Variants in ANKRD55 observed in about 807,000 individuals in gnomAD.
ANKRD55 encodes the protein ankyrin repeat domain-containing protein 55.
A neutral mutation model predicts 60.6 loss-of-function variants in ANKRD55; 41 were observed. The ratio of observed to expected loss-of-function variants is 0.68; its 90% CI spans 0.53 to 0.88. The LOEUF is 0.88. ANKRD55 is among the 40% of genes least tolerant of loss of function. ANKRD55 has a pLI of 0.00. For synonymous variants in ANKRD55, 264 were observed against 290.3 expected (o/e 0.91, Z 0.92); for missense variants, 732 against 767.6 (o/e 0.95, Z 0.55).
In ANKRD55 at chr5:56,137,440, A is replaced by C; in HGVS notation, c.612+6361T>G. The C allele has an allele frequency of 4.8e-6, 4 of 841,632 alleles. No individual in the cohort carries two copies. The South Asian group carries it at 5.3e-5, about 11-fold the overall frequency. The allele number at this position is 841,632 out of a possible 1,614,324, so 52.1% of individuals were successfully genotyped here. A position where few individuals can be genotyped will look rare whatever the true frequency, so the allele number is the denominator to read the frequency against. On this transcript the variant is annotated intron_variant, in intron 7 of 11. Transcript: ENST00000341048. ...GAGATGATCCTTACTGAAAAGGAACAAAATGTTCCTAAACCAGAAGAGGAG... is the reference window on the plus strand; with the variant it reads ...GAGATGATCCTTACTGAAAAGGAACCAAATGTTCCTAAACCAGAAGAGGAG...
chr5:56,174,676 A>G (rs915625046), intron 4 of ANKRD55, among the ~76,000 whole-genome samples: 1 of 152,092 alleles, frequency 6.6e-6, no homozygotes, highest in Non-Finnish European at 1.5e-5. Context: ...TACTAAAAAT[A>G]CAAAAATTAG....
chr5:56,127,463 C>T, intron 7 of ANKRD55: 1 of 985,162 alleles, frequency 1.0e-6, no homozygotes, highest in South Asian at 4.7e-5. Context: ...TAGGTCTGAT[C>T]ATTTGTGTCC....
At chr5:56,169,546 G>C (rs969103067) in intron 5 of ANKRD55, among the ~76,000 whole-genome samples, 1 of 151,800 alleles carries the variant, frequency 6.6e-6, no homozygotes, top group Admixed American at 6.6e-5. Flanking sequence ...TTGGGCTTTG[G>C]GTAAATCCTA....
intron 2 of ANKRD55, among the ~76,000 whole-genome samples, chr5:56,200,817 C>T (rs1265384433): frequency 1.3e-5 from 2 of 152,114 alleles, no homozygotes; most frequent in East Asian, 1.9e-4. Context: ...TTGGTTTATT[C>T]TATTCTGAGG....
intron 2 of ANKRD55, among the ~76,000 whole-genome samples, chr5:56,201,456 T>C (rs1399743005): frequency 1.3e-5 from 2 of 152,216 alleles, no homozygotes; most frequent in African/African-American, 4.8e-5. Context: ...TTTTCAAATA[T>C]ATCAGGTGAC....
chr5:56,197,883 T>A lies in ANKRD55; in HGVS notation c.59-14249A>T, dbSNP rs116782218. Among the ~76,000 whole-genome samples the A allele has an allele frequency of 3.0e-3, 460 of 152,350 alleles. 4 individuals are homozygous for A. Among genetic ancestry groups the A allele is most frequent in the African/African-American group, 0.011 (439 of 41,592 alleles). On this transcript the variant is annotated intron_variant, in intron 2 of 11. Coordinates refer to ENST00000341048, the MANE Select transcript of ANKRD55 (RefSeq NM_024669.3). The stretch of plus-strand genomic sequence containing the variant: ...GTTTTCTTGAGTATTAATTTTTCAC[T>A]TCTTTGAGACTGTCAAACCATAGTT...
At chr5:56,143,342 C>T (rs956334325) in intron 7 of ANKRD55, among the ~76,000 whole-genome samples, 2 of 152,080 alleles carry the variant, frequency 1.3e-5, no homozygotes, top group Non-Finnish European at 2.9e-5. Context: ...TGTGTATTGA[C>T]GTGGACTCCC....
chr5:56,178,410 G>A (rs1758783843), intron 3 of ANKRD55, among the ~76,000 whole-genome samples: 1 of 151,502 alleles, frequency 6.6e-6, no homozygotes, highest in Non-Finnish European at 1.5e-5. Flanking sequence ...CTGAGGTTTA[G>A]GGAGGAATGA....
intron 7 of ANKRD55, among the ~76,000 whole-genome samples, chr5:56,132,798 T>G (rs1488114061): frequency 6.6e-6 from 1 of 152,086 alleles, no homozygotes; most frequent in Non-Finnish European, 1.5e-5. Context: ...ATGACACATA[T>G]AGATTAAAAG....
intron 4 of ANKRD55, among the ~76,000 whole-genome samples, chr5:56,173,464 C>G (rs1016649178): frequency 3.7e-4 from 56 of 150,610 alleles, no homozygotes; most frequent in Non-Finnish European, 2.1e-4. Context: ...TCCCAAAGTG[C>G]TGGGATTACA....
At position 56,116,677 on chromosome 5, in the gene ANKRD55, G is replaced by A; in HGVS notation, c.903C>T (p.Pro301=). Residue 301 remains proline (P), a synonymous_variant, in exon 9 of 12, where the codon CCC becomes CCT. Transcript: ENST00000341048. The part of the protein sequence containing the change: ...SNLRDINEST[P]LAYALYCGHT... ...GACCGCAGTACAGGGCATAGGCCAA[G>A]GGCGTGCTCTCATTGATGTCCCGCA... The A allele has an allele frequency of 6.2e-7, 1 of 1,613,848 alleles. No individual in the cohort carries two copies. The highest frequency in any genetic ancestry group is 8.5e-7 in the Non-Finnish European group (1 of 1,179,850).
intron 6 of ANKRD55, among the ~76,000 whole-genome samples, chr5:56,148,826 T>C (rs990175287): frequency 1.3e-5 from 2 of 152,098 alleles, no homozygotes; most frequent in Admixed American, 1.3e-4. Flanking sequence ...CCCGTCTTGG[T>C]TGGCGGTTCG....
At chr5:56,173,582 C>CTATATATATA (rs1182603115) in intron 4 of ANKRD55, among the ~76,000 whole-genome samples, 43 of 45,222 alleles carry the variant, frequency 9.5e-4, no homozygotes, top group South Asian at 6.2e-3. Context: ...CTCTCTCTCT[C>CTATATATATA]TATATATATA....
chr5:56,138,408 G>A (rs754141558), intron 7 of ANKRD55, among the ~76,000 whole-genome samples: 2 of 152,144 alleles, frequency 1.3e-5, no homozygotes, highest in Non-Finnish European at 2.9e-5. Context: ...TTACAGGTGT[G>A]AGCCAACGTG....
chr5:56,203,508 G>A lies in ANKRD55; in HGVS notation c.59-19874C>T, dbSNP rs1272889008. 2.6e-5 allele frequency among the ~76,000 whole-genome samples: 4 copies of A among 151,742 alleles called. 1 individual carries two copies. Among genetic ancestry groups the A allele is most frequent in the African/African-American group, 7.3e-5 (3 of 41,300 alleles). On this transcript the variant is annotated intron_variant, in intron 2 of 11. Coordinates refer to ENST00000341048, the MANE Select transcript of ANKRD55 (RefSeq NM_024669.3). Reference sequence around the variant, plus strand: ...GCTATCCCTCCCCACAACAGTCCCCGGTGTGTGATGTTCCCCTTCCCCTGT... The same window carrying A: ...GCTATCCCTCCCCACAACAGTCCCCAGTGTGTGATGTTCCCCTTCCCCTGT...
intron 7 of ANKRD55, among the ~76,000 whole-genome samples, chr5:56,136,060 C>A (rs1757591146): frequency 6.6e-6 from 1 of 151,558 alleles, no homozygotes; most frequent in Non-Finnish European, 1.5e-5. Flanking sequence ...CATCAAAGAA[C>A]TAAATAAATG....
chr5:56,135,320 TTTC>T (rs1757554682), intron 7 of ANKRD55, among the ~76,000 whole-genome samples: 1 of 15,236 alleles, frequency 6.6e-5, no homozygotes, highest in South Asian at 2.2e-3. Context: ...TCTTTCTTTC[TTTC>T]TTTCTTTCTT....
At chr5:56,170,342 G>A (rs2111812455) in intron 5 of ANKRD55, among the ~76,000 whole-genome samples, 1 of 152,272 alleles carries the variant, frequency 6.6e-6, no homozygotes, top group Admixed American at 6.5e-5. Context: ...ATTTACTGTA[G>A]AATTTCAAAG....
chr5:56,110,911 A>G, intron 10 of ANKRD55: 1 of 600,482 alleles, frequency 1.7e-6, no homozygotes, highest in Non-Finnish European at 2.9e-6. Flanking sequence ...GTACTTGATG[A>G]TTACTTGAAG....
Sources: allele counts gnomAD v4.1 joint callset (sites outside exome capture counted in the v4.1 genomes callset), GRCh38; gene constraint gnomAD v4.1.1; transcripts MANE v1.5; gene names NCBI Gene and HGNC (gene_info 2026-07-23, HGNC 2026-07-21).